The following RORA variants were observed in gnomAD, a reference collection of about 807,000 sequenced individuals.
RORA encodes RAR related orphan receptor A, also known as nuclear receptor ROR-alpha.
In RORA, 7 loss-of-function variants were observed where a neutral mutation model predicts 69.5. That is an observed-to-expected ratio of 0.10 (90% CI 0.06 to 0.19). RORA has a LOEUF of 0.19. RORA is among the 10% of genes least tolerant of loss of function. The pLI is 1.00. For missense variants in RORA, 457 were observed against 663.0 expected (o/e 0.69, Z 3.41); for synonymous variants, 261 against 240.8 (o/e 1.08, Z -0.78).
At chr15:60,789,587 T>A (rs1367703424) in intron 1 of RORA, among the ~76,000 whole-genome samples, 14 of 152,240 alleles carry the variant, frequency 9.2e-5, no homozygotes, top group Admixed American at 7.2e-4. Flanking sequence ...TGTTGTGAGC[T>A]CTTTCAGGGA....
At chr15:60,736,248 ATGG>A (rs745606147) in intron 1 of RORA, among the ~76,000 whole-genome samples, 1 of 152,108 alleles carries the variant, frequency 6.6e-6, no homozygotes, top group African/African-American at 2.4e-5. Context: ...ATGAGTTTTC[ATGG>A]TGGCAATCTC....
At chr15:60,704,250 T>C (rs754416183) in intron 1 of RORA, among the ~76,000 whole-genome samples, 1 of 152,234 alleles carries the variant, frequency 6.6e-6, no homozygotes, top group Non-Finnish European at 1.5e-5. Flanking sequence ...CTGGTGCTTT[T>C]TCATGGTTTG....
intron 2 of RORA, among the ~76,000 whole-genome samples, chr15:60,536,222 T>C (rs2066673547): frequency 6.6e-6 from 1 of 152,214 alleles, no homozygotes; most frequent in African/African-American, 2.4e-5. Context: ...TGACATACCA[T>C]ATATATGATA....
chr15:60,814,467 A>C (rs1223353333), intron 1 of RORA, among the ~76,000 whole-genome samples: 8 of 152,192 alleles, frequency 5.3e-5, no homozygotes, highest in Admixed American at 5.2e-4. Flanking sequence ...GCAGTTCCTA[A>C]TATGAGTTAA....
chr15:60,892,946 G>A (rs2140459268), intron 1 of RORA, among the ~76,000 whole-genome samples: 1 of 152,328 alleles, frequency 6.6e-6, no homozygotes, highest in East Asian at 1.9e-4. Flanking sequence ...TAAATGGTGA[G>A]AAACACATAA....
At chr15:60,503,815 A>G (rs1595871309) in intron 6 of RORA, 148 bp from the exon 7 acceptor site, 1 of 935,708 alleles carries the variant, frequency 1.1e-6, no homozygotes, top group Non-Finnish European at 1.5e-6. Context: ...ATTTTATTTT[A>G]TTTTTGAGAT....
chr15:60,678,729 T>A (rs1321820999), intron 1 of RORA, 43 bp from the exon 2 acceptor site: 1 of 1,552,812 alleles, frequency 6.4e-7, no homozygotes, highest in Non-Finnish European at 8.9e-7. Context: ...AAGTGCCCTG[T>A]GTGTGCTGCT....
intron 1 of RORA, among the ~76,000 whole-genome samples, chr15:60,948,742 C>A (rs888492259): frequency 6.6e-6 from 1 of 152,332 alleles, no homozygotes; most frequent in East Asian, 1.9e-4. Flanking sequence ...GCCCTAGATT[C>A]TTCCCATCCC....
At chr15:61,059,956 GAA>G (rs1491570687) in intron 1 of RORA, among the ~76,000 whole-genome samples, 40 of 136,684 alleles carry the variant, frequency 2.9e-4, no homozygotes, top group African/African-American at 1.1e-3. Flanking sequence ...AGAAGAAGAA[GAA>G]GAAGAGGAAG....
chr15:61,107,228 C>G (rs2078960309), intron 1 of RORA, among the ~76,000 whole-genome samples: 1 of 152,192 alleles, frequency 6.6e-6, no homozygotes. Flanking sequence ...AACGCAGGCT[C>G]TTTTTGCATG....
chr15:61,167,482 A>ATTTTTTTTTTTTTTTTTTTT (rs199752865), intron 1 of RORA, among the ~76,000 whole-genome samples: 4 of 133,690 alleles, frequency 3.0e-5, no homozygotes, highest in African/African-American at 1.1e-4. Flanking sequence ...TTTGACCAGG[A>ATTTTTTTTTTTTTTTTTTTT]TTTTTTTTTT....
intron 1 of RORA, among the ~76,000 whole-genome samples, chr15:60,753,706 T>A (rs974304916): frequency 1.1e-4 from 16 of 152,218 alleles, no homozygotes; most frequent in African/African-American, 3.6e-4. Context: ...CCCTTTATAT[T>A]TTTTGGAACC....
At chr15:60,686,669 A>G (rs2070754542) in intron 1 of RORA, 1 of 152,176 alleles carries the variant, frequency 6.6e-6, no homozygotes, top group Non-Finnish European at 1.5e-5. Context: ...GAAATGCTTT[A>G]CTTTATGTGC....
chr15:61,210,464 C>T (rs2079980872), intron 1 of RORA, among the ~76,000 whole-genome samples: 1 of 152,138 alleles, frequency 6.6e-6, no homozygotes, highest in African/African-American at 2.4e-5. Context: ...CTGAAGGTTA[C>T]CCCCATACCT....
intron 1 of RORA, among the ~76,000 whole-genome samples, chr15:60,796,041 C>G (rs1335459067): frequency 6.6e-6 from 1 of 152,084 alleles, no homozygotes; most frequent in Non-Finnish European, 1.5e-5. Context: ...CCTTTGCATC[C>G]TCAAAAAAGG....
intron 1 of RORA, among the ~76,000 whole-genome samples, chr15:60,847,141 G>A (rs1179835919): frequency 2.6e-5 from 4 of 152,032 alleles, no homozygotes; most frequent in Non-Finnish European, 4.4e-5. Flanking sequence ...CTCTGCCCTT[G>A]TTTTCAGTAA....
At chr15:60,962,660 G>A (rs941189164) in intron 1 of RORA, among the ~76,000 whole-genome samples, 7 of 152,266 alleles carry the variant, frequency 4.6e-5, no homozygotes, top group Non-Finnish European at 1.0e-4. Flanking sequence ...ATGAACACTT[G>A]GCAGCCTGAA....
intron 1 of RORA, among the ~76,000 whole-genome samples, chr15:60,856,076 T>C (rs978767224): frequency 1.8e-4 from 27 of 152,098 alleles, no homozygotes; most frequent in African/African-American, 6.5e-4. Context: ...TTAAACCCAC[T>C]CATGTTAAAT....
intron 2 of RORA, among the ~76,000 whole-genome samples, chr15:60,639,066 A>G (rs2069891414): frequency 6.6e-6 from 1 of 152,084 alleles, no homozygotes. Flanking sequence ...CTAATTAGTC[A>G]CTTTAAGTAT....
Sources: gnomAD v4.1 joint callset for allele counts (sites outside exome capture counted in the v4.1 genomes callset) on GRCh38, gnomAD v4.1.1 for gene constraint, MANE v1.5 for transcripts, NCBI Gene and HGNC (gene_info 2026-07-23, HGNC 2026-07-21) for gene names.